CPS1: variants seen among roughly 807,000 people sequenced by gnomAD.
CPS1 encodes the protein carbamoyl-phosphate synthase 1, also known as carbamoyl-phosphate synthase [ammonia], mitochondrial.
CPS1 carries 109 observed loss-of-function variants against 174.6 expected under a neutral mutation model. The ratio of observed to expected loss-of-function variants is 0.62; its 90% CI spans 0.53 to 0.73. The LOEUF (loss-of-function observed/expected upper bound fraction) is 0.73, where lower values mean the gene tolerates loss of function less well. CPS1 is among the 30% of genes least tolerant of loss of function. CPS1 has a pLI of 0.00. For missense variants in CPS1, 1,689 were observed against 1,821.9 expected (o/e 0.93, Z 1.33); for synonymous variants, 637 against 632.0 (o/e 1.01, Z -0.12).
chr2:210,541,756 A>G (rs553252838), intron 1 of CPS1, among the ~76,000 whole-genome samples: 59 of 152,288 alleles, frequency 3.9e-4, no homozygotes, highest in Non-Finnish European at 6.9e-4. Flanking sequence ...CACTTAGTAC[A>G]CTTTACTCAT....
At chr2:210,590,366 G>A in intron 8 of CPS1, 132 bp downstream of exon 8, 1 of 1,328,266 alleles carries the variant, frequency 7.5e-7, no homozygotes, top group Non-Finnish European at 1.1e-6. Context: ...TTCTGAGGCA[G>A]TGTCAGTAGA....
At chr2:210,663,704 C>T (rs147045496) in intron 33 of CPS1, among the ~76,000 whole-genome samples, 7 of 152,232 alleles carry the variant, frequency 4.6e-5, no homozygotes, top group Admixed American at 6.5e-5. Context: ...ATAATGGAAT[C>T]GGCCACTGGA....
intron 34 of CPS1, chr2:210,674,098 G>C (rs999320944): frequency 6.6e-6 from 1 of 152,182 alleles, no homozygotes; most frequent in Admixed American, 6.6e-5. Context: ...CAAAGATTGA[G>C]TTATTGCAGG....
chr2:210,482,149 C>A (rs1694586074), intron 1 of CPS1, among the ~76,000 whole-genome samples: 2 of 152,158 alleles, frequency 1.3e-5, no homozygotes, highest in African/African-American at 4.8e-5. Context: ...TTATATAAAA[C>A]TTTTTTCCCT....
At chr2:210,645,165 T>G (rs961112074) in intron 25 of CPS1, among the ~76,000 whole-genome samples, 5 of 152,148 alleles carry the variant, frequency 3.3e-5, no homozygotes, top group Non-Finnish European at 7.4e-5. Context: ...AAACATGTTC[T>G]CATACTGAAT....
chr2:210,582,204 CT>C (rs961390239), intron 5 of CPS1, among the ~76,000 whole-genome samples: 7 of 152,170 alleles, frequency 4.6e-5, no homozygotes, highest in African/African-American at 1.2e-4. Context: ...TGAATTCCCG[CT>C]TTTTTTGTGA....
intron 14 of CPS1, 71 bp downstream of exon 14, chr2:210,599,632 C>T: frequency 1.3e-5 from 19 of 1,508,956 alleles, no homozygotes; most frequent in Non-Finnish European, 1.7e-5. Context: ...TATTTGAGCT[C>T]ATCTAACAAT....
At chr2:210,580,161 A>C (rs1697871295) in intron 5 of CPS1, among the ~76,000 whole-genome samples, 1 of 152,032 alleles carries the variant, frequency 6.6e-6, no homozygotes, top group Non-Finnish European at 1.5e-5. Flanking sequence ...TGAAAAATAC[A>C]CTCCAGGAAG....
intron 1 of CPS1, among the ~76,000 whole-genome samples, chr2:210,571,158 A>T (rs1697466137): frequency 6.6e-6 from 1 of 152,076 alleles, no homozygotes. Flanking sequence ...TAAATAAATT[A>T]TTGTGGTTTC....
chr2:210,531,151 A>G (rs1696104558), intron 1 of CPS1, among the ~76,000 whole-genome samples: 1 of 152,072 alleles, frequency 6.6e-6, no homozygotes. Context: ...AAATGATGAC[A>G]GAAGGCACAA....
intron 3 of CPS1, 138 bp from the exon 4 acceptor site, chr2:210,577,283 T>C: frequency 1.4e-6 from 1 of 709,360 alleles, no homozygotes. Context: ...GATTTTTTTT[T>C]TTTTGCCTCT....
Position 210,550,669 on chromosome 2 carries a change from T to G in CPS1, c.4-6050T>G, listed in dbSNP as rs144036094. ...AACAGATTTATTTAAATACCCTATT[T>G]TCACTTACTGGCATAACAGCAAGTG... On this transcript the variant is annotated intron_variant, in intron 1 of 38. Transcript: ENST00000430249. Among the ~76,000 whole-genome samples the G allele has an allele frequency of 1.9e-3, 284 of 152,052 alleles. 8 individuals are homozygous for G. Among genetic ancestry groups the G allele is most frequent in the Admixed American group, 0.017 (257 of 15,224 alleles).
chr2:210,547,498 C>T (rs1454968447), intron 1 of CPS1, among the ~76,000 whole-genome samples: 2 of 151,794 alleles, frequency 1.3e-5, no homozygotes, highest in Admixed American at 1.3e-4. Context: ...ATTTTTCTTA[C>T]CCCATATATT....
At chr2:210,579,893 T>G in intron 5 of CPS1, 123 bp downstream of exon 5, 1 of 786,298 alleles carries the variant, frequency 1.3e-6, no homozygotes, top group Non-Finnish European at 2.2e-6. Context: ...TCTGGCCAGC[T>G]TCTGCTATCT....
intron 4 of CPS1, 122 bp from the exon 5 acceptor site, chr2:210,579,592 G>C: frequency 2.6e-6 from 2 of 781,150 alleles, no homozygotes; most frequent in Non-Finnish European, 4.5e-6. Context: ...TCAGAGAAAA[G>C]AAAGAGTGGA....
chr2:210,612,332 T>G, intron 20 of CPS1, 39 bp downstream of exon 20: 1 of 1,604,818 alleles, frequency 6.2e-7, no homozygotes, highest in Non-Finnish European at 8.5e-7. Flanking sequence ...CTAGTTGCTT[T>G]TCCAGAATGT....
chr2:210,521,134 G>T (rs565448464), intron 1 of CPS1, among the ~76,000 whole-genome samples: 4 of 151,948 alleles, frequency 2.6e-5, no homozygotes, highest in African/African-American at 9.7e-5. Flanking sequence ...TCAAATTGTA[G>T]CCATTCTTAT....
intron 21 of CPS1, among the ~76,000 whole-genome samples, chr2:210,635,969 T>C (rs1700031988): frequency 6.6e-6 from 1 of 152,130 alleles, no homozygotes; most frequent in Non-Finnish European, 1.5e-5. Context: ...TTCTCCAAAC[T>C]CAGAATATGA....
intron 1 of CPS1, among the ~76,000 whole-genome samples, chr2:210,525,777 G>A (rs1695955733): frequency 6.7e-6 from 1 of 149,634 alleles, no homozygotes; most frequent in Non-Finnish European, 1.5e-5. Context: ...AGGTGGAGTA[G>A]GAGTAGTACA....
Sources: allele counts gnomAD v4.1 joint callset (sites outside exome capture counted in the v4.1 genomes callset), GRCh38; gene constraint gnomAD v4.1.1; transcripts MANE v1.5; gene names NCBI Gene and HGNC (gene_info 2026-07-23, HGNC 2026-07-21).